ZKSCAN1: variants seen among roughly 807,000 people sequenced by gnomAD.
ZKSCAN1 encodes the protein zinc finger with KRAB and SCAN domains 1, also known as zinc finger protein with KRAB and SCAN domains 1.
A neutral mutation model predicts 51.6 loss-of-function variants in ZKSCAN1; 14 were observed. That is an observed-to-expected ratio of 0.27 (90% CI 0.18 to 0.42). The LOEUF is 0.42. Ranked by LOEUF, ZKSCAN1 falls within the 10% of genes least tolerant of loss-of-function variation. The pLI is 1.00. For synonymous variants in ZKSCAN1, 263 were observed against 261.5 expected, an observed-to-expected ratio of 1.01 and a Z score of -0.06; for missense variants, 531 against 710.0, an observed-to-expected ratio of 0.75 and a Z score of 2.86.
downstream of ZKSCAN1, chr7:100,044,762 C>G: frequency 1.0e-6 from 1 of 982,898 alleles, no homozygotes; most frequent in Middle Eastern, 5.3e-4. Context: ...CTTTCATTCT[C>G]TTTTCCTTTC....
In ZKSCAN1 at chr7:100,038,745, C is replaced by G. The variant is rs1187815083; in HGVS notation, c.*4548C>G. The stretch of plus-strand genomic sequence containing the variant: ...GCACAGTGGCTCAGGCCTGTAATCC[C>G]AGCACTTTGGGAGACCAAGGCGGGT... On this transcript the variant is annotated 3_prime_UTR_variant, in exon 6 of 6. Transcript: ENST00000324306. The G allele has an allele frequency of 2.0e-6, 2 of 985,288 alleles. No individual in the cohort carries two copies. The highest frequency in any genetic ancestry group is 2.4e-6 in the Non-Finnish European group (2 of 829,908). 61.0% of individuals were successfully genotyped at this position (985,288 alleles called of 1,614,324 possible). A position where few individuals can be genotyped will look rare whatever the true frequency, so the allele number is the denominator to read the frequency against.
rs984879007 is a variant in ZKSCAN1 at position 100,040,737 on chromosome 7, G to A, written c.*6540G>A. 1 of 985,398 alleles carries A rather than the reference G, an allele frequency of 1.0e-6. No homozygotes were observed. The highest frequency in any genetic ancestry group is 1.2e-6 in the Non-Finnish European group (1 of 829,984). 61.0% of individuals were successfully genotyped at this position (985,398 alleles called of 1,614,324 possible). A position where few individuals can be genotyped will look rare whatever the true frequency, so the allele number is the denominator to read the frequency against. ...CCTGAGGAGGGGCCGAGGAAAGGCT[G>A]TTGGGGTGTGCTGGGGTTGGTACCC... On this transcript the variant is annotated 3_prime_UTR_variant, in exon 6 of 6. Transcript: ENST00000324306.
At chr7:100,030,068 C>A in intron 4 of ZKSCAN1, 116 bp downstream of exon 4, 1 of 1,392,380 alleles carries the variant, frequency 7.2e-7, no homozygotes, top group Non-Finnish European at 9.9e-7. Flanking sequence ...AAGCCCCAAC[C>A]CTGTCCTCTC....
rs370226796 is a variant in ZKSCAN1, at chr7:100,017,447, G to A, written c.-89+1721G>A. Among the ~76,000 whole-genome samples, 18 of 152,242 alleles carry A rather than the reference G, an allele frequency of 1.2e-4. No individual in the cohort carries two copies. In the East Asian group the frequency reaches 2.1e-3, roughly 18 times the overall value. On this transcript the variant is annotated intron_variant, in intron 1 of 5. Coordinates refer to ENST00000324306, the MANE Select transcript of ZKSCAN1 (RefSeq NM_003439.4). The stretch of plus-strand genomic sequence containing the variant: ...CATGTTGGCCAGGCTGGTCTCGAAC[G>A]CCTGATCTCAGGCAGTCCGCCAACC...
chr7:100,036,576 G>A lies in ZKSCAN1; in HGVS notation c.*2379G>A, dbSNP rs151281569. 857 of 742,874 alleles carry A rather than the reference G, an allele frequency of 1.2e-3. 7 individuals carry two copies. In the African/African-American group the frequency reaches 0.015, roughly 13 times the overall value. The allele number at this position is 742,874 out of a possible 1,614,324, so 46.0% of individuals were successfully genotyped here. A position where few individuals can be genotyped will look rare whatever the true frequency, so the allele number is the denominator to read the frequency against. Reference sequence around the variant, plus strand: ...CTACTAAAATTATAAAAATTAGCCGGGCATGATGGTGGGCACCTGTAATCC... The same window carrying A: ...CTACTAAAATTATAAAAATTAGCCGAGCATGATGGTGGGCACCTGTAATCC... On this transcript the variant is annotated 3_prime_UTR_variant, in exon 6 of 6. Coordinates refer to ENST00000324306, the MANE Select transcript of ZKSCAN1 (RefSeq NM_003439.4).
At position 100,037,891 on chromosome 7, in the gene ZKSCAN1, A is replaced by T. The variant is rs975580341; in HGVS notation, c.*3694A>T. 1.5e-6 allele frequency: 1 copy of T among 656,002 alleles called. No homozygotes were observed. Among genetic ancestry groups the T allele is most frequent in the Admixed American group, 6.3e-5 (1 of 15,824 alleles). 40.6% of individuals were successfully genotyped at this position (656,002 alleles called of 1,614,324 possible). ...AAAAATTAGCTGGGCACAGTGGCGC[A>T]CGCCTGTAGTCCCAGCTACTCGGGA... On this transcript the variant is annotated 3_prime_UTR_variant, in exon 6 of 6. Coordinates refer to ENST00000324306, the MANE Select transcript of ZKSCAN1 (RefSeq NM_003439.4).
rs749620953 is a variant in ZKSCAN1 at position 100,033,223 on chromosome 7, G to A, written c.800-82G>A. 20 of 1,478,824 alleles carry A rather than the reference G, an allele frequency of 1.4e-5. No homozygotes were observed. The highest frequency in any genetic ancestry group is 1.8e-5 in the Non-Finnish European group (20 of 1,121,202). 91.6% of individuals were successfully genotyped at this position (1,478,824 alleles called of 1,614,324 possible). On this transcript the variant is annotated intron_variant, in intron 5 of 5. Coordinates refer to ENST00000324306, the MANE Select transcript of ZKSCAN1 (RefSeq NM_003439.4). The surrounding 1 kb of genome is among the most constrained non-coding windows in gnomAD (Gnocchi z 4.1). The stretch of plus-strand genomic sequence containing the variant: ...AAAGTCATTTTGCAGCCGTGTAGAA[G>A]CTTCTCGGGAAACTGTCGCTTGACC...
downstream of ZKSCAN1, chr7:100,045,012 T>A (rs1791685437): frequency 1.0e-6 from 1 of 978,822 alleles, no homozygotes; most frequent in Admixed American, 6.2e-5. Context: ...ATGAACACCT[T>A]ACTGGAAATG....
chr7:100,038,458 TG>T lies in ZKSCAN1; in HGVS notation c.*4263del, dbSNP rs760745147. The T allele has an allele frequency of 1.5e-4, 147 of 985,334 alleles. No homozygotes were observed. In the Middle Eastern group the frequency reaches 2.6e-3, roughly 17 times the overall value. 61.0% of individuals were successfully genotyped at this position (985,334 alleles called of 1,614,324 possible). On this transcript the variant is annotated 3_prime_UTR_variant, in exon 6 of 6. Coordinates refer to ENST00000324306, the MANE Select transcript of ZKSCAN1 (RefSeq NM_003439.4). ...AAGACAGGCTAATGGGGCACTGAAA[TG>T]GAACAACTCCTTTAAACGTGCAGCC...
intron 1 of ZKSCAN1, among the ~76,000 whole-genome samples, chr7:100,017,498 C>T (rs528530892): frequency 6.6e-6 from 1 of 152,208 alleles, no homozygotes; most frequent in Non-Finnish European, 1.5e-5. Context: ...GCTGGGATTA[C>T]GGGCGTGAGC....
intron 3 of ZKSCAN1, 145 bp from the exon 4 acceptor site, chr7:100,029,716 G>T (rs1046718721): frequency 1.6e-5 from 11 of 697,758 alleles, no homozygotes; most frequent in Non-Finnish European, 2.6e-5. Flanking sequence ...GTGTTCTCTC[G>T]TTTGTGTTGT....
intron 3 of ZKSCAN1, among the ~76,000 whole-genome samples, chr7:100,029,588 T>C (rs1164079026): frequency 6.6e-6 from 1 of 152,106 alleles, no homozygotes; most frequent in Non-Finnish European, 1.5e-5. Flanking sequence ...AGGGAAGTCA[T>C]TTGCAGTCTC....
chr7:100,033,358 G>C lies in ZKSCAN1; in HGVS notation c.853G>C (p.Glu285Gln). The C allele has an allele frequency of 6.2e-7, 1 of 1,613,946 alleles. No homozygotes were observed. The highest frequency in any genetic ancestry group is 8.5e-7 in the Non-Finnish European group (1 of 1,179,990). ...EESTSKAETS[E>Q]DSASRGETTG... ...GTCAACCTCAAAGGCTGAAACCTCGGAAGATTCAGCATCACGCGGGGAGAC... is the reference window on the plus strand; with the variant it reads ...GTCAACCTCAAAGGCTGAAACCTCGCAAGATTCAGCATCACGCGGGGAGAC... The change falls in exon 6 of 6, where the codon GAA becomes CAA. Residue 285 changes from glutamate (E) to glutamine (Q), a missense_variant. Around this residue, in one of 2 missense-constraint regions of ZKSCAN1, gnomAD observed 403 missense variants for 490.5 expected, o/e 0.82. Coordinates refer to ENST00000324306, the MANE Select transcript of ZKSCAN1 (RefSeq NM_003439.4). The surrounding 1 kb of genome is among the most constrained non-coding windows in gnomAD (Gnocchi z 4.1).
chr7:100,024,414 C>G, intron 3 of ZKSCAN1, 107 bp downstream of exon 3: 1 of 1,369,514 alleles, frequency 7.3e-7, no homozygotes. Flanking sequence ...GGCAACGTAG[C>G]GAGACCCCAT....
In ZKSCAN1 at chr7:100,034,469, G is replaced by C; in HGVS notation, c.*272G>C. 1 of 1,168,838 alleles carries C rather than the reference G, an allele frequency of 8.6e-7. No individual in the cohort carries two copies. Among genetic ancestry groups the C allele is most frequent in the Middle Eastern group, 3.5e-4 (1 of 2,820 alleles). The allele number at this position is 1,168,838 out of a possible 1,614,324, so 72.4% of individuals were successfully genotyped here. On this transcript the variant is annotated 3_prime_UTR_variant, in exon 6 of 6. Coordinates refer to ENST00000324306, the MANE Select transcript of ZKSCAN1 (RefSeq NM_003439.4). ...GAGAAAAGCACACGCATAGTGAAAT[G>C]TCAGTCTTTTCAGTAATGAGGATAC... is the stretch of plus-strand genomic sequence containing the variant.
chr7:100,036,147 GCCTCT>G lies in ZKSCAN1; in HGVS notation c.*1954_*1958del. On this transcript the variant is annotated 3_prime_UTR_variant, in exon 6 of 6. Coordinates refer to ENST00000324306, the MANE Select transcript of ZKSCAN1 (RefSeq NM_003439.4). ...AAAACTGCACAGTGGTCATTCTTTG[GCCTCT>G]CCTTGGCTTTATGACTTAAACCAAC... is the stretch of plus-strand genomic sequence containing the variant. 1 of 985,330 alleles carries G rather than the reference GCCTCT, an allele frequency of 1.0e-6. No individual in the cohort carries two copies. Among genetic ancestry groups the G allele is most frequent in the Non-Finnish European group, 1.2e-6 (1 of 829,900 alleles). The allele number at this position is 985,330 out of a possible 1,614,324, so 61.0% of individuals were successfully genotyped here.
chr7:100,039,098 G>A lies in ZKSCAN1; in HGVS notation c.*4901G>A, dbSNP rs943714703. The A allele has an allele frequency of 7.6e-5, 12 of 158,812 alleles. No individual in the cohort carries two copies. The highest frequency in any genetic ancestry group is 1.6e-4 in the Non-Finnish European group (12 of 74,956). 9.8% of individuals were successfully genotyped at this position (158,812 alleles called of 1,614,324 possible). A position where few individuals can be genotyped will look rare whatever the true frequency, so the allele number is the denominator to read the frequency against. On this transcript the variant is annotated 3_prime_UTR_variant, in exon 6 of 6. Coordinates refer to ENST00000324306, the MANE Select transcript of ZKSCAN1 (RefSeq NM_003439.4). Reference sequence around the variant, plus strand: ...AGGCAGAGGTGGGCGGATCACTTGAGGTCAGGAGTTTGAGACCAGCCTGGC... The same window carrying A: ...AGGCAGAGGTGGGCGGATCACTTGAAGTCAGGAGTTTGAGACCAGCCTGGC...
chr7:100,033,897 T>C lies in ZKSCAN1; in HGVS notation c.1392T>C (p.Asn464=). 6.2e-7 allele frequency: 1 copy of C among 1,614,112 alleles called. No individual in the cohort carries two copies. Among genetic ancestry groups the C allele is most frequent in the Admixed American group, 1.7e-5 (1 of 60,008 alleles). Residue 464 remains asparagine (N), a synonymous_variant, in exon 6 of 6, where the codon AAT becomes AAC. Transcript: ENST00000324306. This position sits in a 1 kb window ranked among gnomAD's most constrained non-coding sequence, Gnocchi z 4.1. ...CTGGAGAGAAACCTTATGAATGTAA[T>C]GAGTGCGGGAAGGCCTTCAGCCAGA... ...IHSGEKPYEC[N]ECGKAFSQSS...
chr7:100,017,563 T>C (rs936085934), intron 1 of ZKSCAN1, among the ~76,000 whole-genome samples: 2 of 152,248 alleles, frequency 1.3e-5, no homozygotes, highest in African/African-American at 4.8e-5. Context: ...GGAAAAATAC[T>C]GGGCTGTTTG....
Sources: allele counts gnomAD v4.1 joint callset (sites outside exome capture counted in the v4.1 genomes callset), GRCh38; gene constraint gnomAD v4.1.1; regional missense constraint gnomAD v4.1.1; non-coding constraint Gnocchi (gnomAD v3.1); transcripts MANE v1.5; gene names NCBI Gene and HGNC (gene_info 2026-07-23, HGNC 2026-07-21).